Variants in RHBDD1 observed in about 807,000 individuals in gnomAD.
The protein encoded by RHBDD1 is rhomboid-related protein 4.
A neutral mutation model predicts 36.3 loss-of-function variants in RHBDD1; 38 were observed. That is an observed-to-expected ratio of 1.05 (90% CI 0.81 to 1.37). The LOEUF (loss-of-function observed/expected upper bound fraction) is 1.37. Ranked by LOEUF, RHBDD1 falls within the 40% of genes most tolerant of loss-of-function variation. The probability of loss-of-function intolerance (pLI) is 0.00; values close to 1 mark genes in which losing one functional copy is unlikely to be tolerated. For synonymous variants in RHBDD1, 151 were observed against 136.5 expected, an observed-to-expected ratio of 1.11 and a Z score of -0.74; for missense variants, 393 against 377.6, an observed-to-expected ratio of 1.04 and a Z score of -0.34.
intron 8 of RHBDD1, among the ~76,000 whole-genome samples, chr2:226,917,292 C>G (rs1320446972): frequency 6.6e-6 from 1 of 151,900 alleles, no homozygotes; most frequent in South Asian, 2.1e-4. Flanking sequence ...GTAAAAATAA[C>G]TCGAGAGTAT....
At chr2:226,982,617 T>G (rs978643737) in intron 8 of RHBDD1, among the ~76,000 whole-genome samples, 12 of 152,188 alleles carry the variant, frequency 7.9e-5, no homozygotes, top group African/African-American at 2.9e-4. Flanking sequence ...ACAAAACAAA[T>G]AGACTGAATT....
At chr2:226,877,098 G>T (rs1290879572) in intron 5 of RHBDD1, among the ~76,000 whole-genome samples, 1 of 152,154 alleles carries the variant, frequency 6.6e-6, no homozygotes, top group Non-Finnish European at 1.5e-5. Context: ...GGTAATCGTG[G>T]ATATCCCTCT....
In RHBDD1 at chr2:226,867,269, A is replaced by G. The variant is rs778129487; in HGVS notation, c.517A>G (p.Arg173Gly). The G allele has an allele frequency of 1.4e-5, 22 of 1,613,738 alleles. No individual in the cohort carries two copies. Among genetic ancestry groups the G allele is most frequent in the Non-Finnish European group, 1.8e-5 (21 of 1,179,876 alleles). The change falls in exon 5 of 9, where the codon AGA (arginine) becomes GGA (glycine). Residue 173 changes from arginine (R) to glycine (G), a missense_variant. Arg to Gly is a moderately radical substitution (Grantham distance 125). Coordinates refer to ENST00000392062, the MANE Select transcript of RHBDD1 (RefSeq NM_001167608.3). The stretch of plus-strand genomic sequence containing the variant: ...CATTTTGGGCTTTCCTGTACCGAAC[A>G]GATTTGCTTGTTGGGTCGAACTTGT... ...VNILGFPVPN[R>G]FACWVELVAI...
chr2:226,815,949 A>T, the RHBDD1 span, among the ~76,000 whole-genome samples: 1 of 152,184 alleles, frequency 6.6e-6, no homozygotes, highest in Non-Finnish European at 1.5e-5. Flanking sequence ...GAATCTATTT[A>T]TTGCTTTAGG....
chr2:226,934,099 A>G (rs1278720738), intron 8 of RHBDD1, among the ~76,000 whole-genome samples: 1 of 152,150 alleles, frequency 6.6e-6, no homozygotes, highest in African/African-American at 2.4e-5. Flanking sequence ...GTCATGCATT[A>G]CATAATGTTT....
intron 8 of RHBDD1, among the ~76,000 whole-genome samples, chr2:226,933,101 TG>T (rs1950132346): frequency 6.6e-6 from 1 of 152,018 alleles, no homozygotes; most frequent in Non-Finnish European, 1.5e-5. Context: ...TCAGATCTCA[TG>T]AGACCTCACT....
chr2:226,825,511 T>C, the RHBDD1 span, among the ~76,000 whole-genome samples: 1 of 151,888 alleles, frequency 6.6e-6, no homozygotes, highest in Non-Finnish European at 1.5e-5. Context: ...AAACACTCAA[T>C]AGATAAATAC....
At chr2:226,925,941 G>T (rs1395505164) in intron 8 of RHBDD1, among the ~76,000 whole-genome samples, 1 of 152,166 alleles carries the variant, frequency 6.6e-6, no homozygotes. Flanking sequence ...GTTTGTGTGT[G>T]TGTGTTTCAG....
rs4280449 is a variant in RHBDD1, at chr2:226,990,807, C to T, written c.857-4624C>T. 2.8e-3 allele frequency among the ~76,000 whole-genome samples: 419 copies of T among 152,290 alleles called. 1 individual carries two copies. Among genetic ancestry groups the T allele is most frequent in the African/African-American group, 9.7e-3 (402 of 41,552 alleles). On this transcript the variant is annotated intron_variant, in intron 8 of 8. Coordinates refer to ENST00000392062, the MANE Select transcript of RHBDD1 (RefSeq NM_001167608.3). ...TTCCTGAGGTTCTTTGAAGCATGCT[C>T]ACTGCTTCTTTGAGTAAAATTGAGG...
rs10559846 is a variant in RHBDD1 at position 226,908,582 on chromosome 2, T to TACACACACACACACACAC, written c.656-218_656-201dup. 1.9e-4 allele frequency: 65 copies of TACACACACACACACACAC among 346,910 alleles called. 1 individual carries two copies. The highest frequency in any genetic ancestry group is 1.2e-3 in the African/African-American group (55 of 44,510). 21.5% of individuals were successfully genotyped at this position (346,910 alleles called of 1,614,324 possible). ...TGTAAATTAGGGTTTCATTTTCCAC[T>TACACACACACACACACAC]ACACACACACACACACACACACACA... On this transcript the variant is annotated intron_variant, in intron 6 of 8. Coordinates refer to ENST00000392062, the MANE Select transcript of RHBDD1 (RefSeq NM_001167608.3).
chr2:226,926,575 T>C (rs1211146061), intron 8 of RHBDD1, among the ~76,000 whole-genome samples: 1 of 152,188 alleles, frequency 6.6e-6, no homozygotes, highest in Non-Finnish European at 1.5e-5. Context: ...CTTGATTAAT[T>C]GGATTTGGGT....
Position 226,990,042 on chromosome 2 carries a change from A to G in RHBDD1, c.857-5389A>G, listed in dbSNP as rs184656111. Among the ~76,000 whole-genome samples, 3 of 152,356 alleles carry G rather than the reference A, an allele frequency of 2.0e-5. No individual in the cohort carries two copies. In the East Asian group the frequency reaches 5.8e-4, roughly 29 times the overall value. On this transcript the variant is annotated intron_variant, in intron 8 of 8. Coordinates refer to ENST00000392062, the MANE Select transcript of RHBDD1 (RefSeq NM_001167608.3). ...ACCTTTCTCGTAAACCAAAACTGAA[A>G]TTTCCATTTGTATGAAAGTTATACC...
intron 3 of RHBDD1, among the ~76,000 whole-genome samples, chr2:226,844,267 T>C (rs950345850): frequency 6.6e-6 from 1 of 152,208 alleles, no homozygotes; most frequent in Admixed American, 6.5e-5. Context: ...GCACCCTTGA[T>C]TGATAGCTGC....
In RHBDD1 at chr2:226,877,228, G is replaced by A. The variant is rs77348131; in HGVS notation, c.566+9910G>A. On this transcript the variant is annotated intron_variant, in intron 5 of 8. Coordinates refer to ENST00000392062, the MANE Select transcript of RHBDD1 (RefSeq NM_001167608.3). ...TTAAAATCTGTTGATCTGTCTTGAA[G>A]TTTGAATAGATCTTTTCCCTATATA... Among the ~76,000 whole-genome samples the A allele has an allele frequency of 7.7e-3, 1,171 of 152,298 alleles. 11 individuals are homozygous for A. Among genetic ancestry groups the A allele is most frequent in the Non-Finnish European group, 0.011 (774 of 68,022 alleles).
intron 2 of RHBDD1, among the ~76,000 whole-genome samples, chr2:226,838,401 T>C (rs4675102): frequency 0.22 from 33,930 of 152,118 alleles, 6,940 homozygotes; most frequent in African/African-American, 0.55. Flanking sequence ...GATCGCTATC[T>C]GTGGTTTTAG....
Position 226,867,276 on chromosome 2 carries a change from C to T in RHBDD1, c.524C>T (p.Ala175Val). ...ILGFPVPNRFACWVELVAIHL... is the reference protein window; with the variant it reads ...ILGFPVPNRFVCWVELVAIHL... ...GGCTTTCCTGTACCGAACAGATTTG[C>T]TTGTTGGGTCGAACTTGTGGCTATT... Residue 175 changes from alanine (A) to valine (V), a missense_variant, in exon 5 of 9, where the codon GCT becomes GTT. Coordinates refer to ENST00000392062, the MANE Select transcript of RHBDD1 (RefSeq NM_001167608.3). The T allele has an allele frequency of 6.2e-7, 1 of 1,613,542 alleles. No homozygotes were observed. Among genetic ancestry groups the T allele is most frequent in the Non-Finnish European group, 8.5e-7 (1 of 1,179,778 alleles).
chr2:226,833,281 G>A (rs994087926), upstream of RHBDD1, among the ~76,000 whole-genome samples: 2 of 152,284 alleles, frequency 1.3e-5, no homozygotes, highest in East Asian at 3.9e-4. Context: ...TTCATTAAAA[G>A]CAATTAGAAA....
intron 5 of RHBDD1, among the ~76,000 whole-genome samples, chr2:226,890,887 A>C (rs1422031393): frequency 6.6e-6 from 1 of 152,188 alleles, no homozygotes; most frequent in African/African-American, 2.4e-5. Flanking sequence ...GACACTATTA[A>C]AATTTCTAAT....
chr2:226,879,758 A>G (rs1321076520), intron 5 of RHBDD1, among the ~76,000 whole-genome samples: 1 of 152,210 alleles, frequency 6.6e-6, no homozygotes, highest in African/African-American at 2.4e-5. Flanking sequence ...TAAATAAGCA[A>G]GTGACATATA....
Sources: gnomAD v4.1 joint callset for allele counts (sites outside exome capture counted in the v4.1 genomes callset) on GRCh38, gnomAD v4.1.1 for gene constraint, MANE v1.5 for transcripts, NCBI Gene and HGNC (gene_info 2026-07-23, HGNC 2026-07-21) for gene names.